The following KCTD8 variants were observed in gnomAD, a reference collection of about 807,000 sequenced individuals.
KCTD8 encodes potassium channel tetramerization domain containing 8, also known as BTB/POZ domain-containing protein KCTD8.
Under a neutral mutation model 31.5 loss-of-function variants are expected in KCTD8, and 27 were observed. The ratio of observed to expected loss-of-function variants is 0.86; its 90% CI spans 0.63 to 1.18. The LOEUF is 1.18. Ranked by LOEUF, KCTD8 falls within the 50% of genes most tolerant of loss-of-function variation. The pLI is 0.00. For missense variants in KCTD8, 658 were observed against 647.7 expected (o/e 1.02, Z -0.17); for synonymous variants, 290 against 280.0 (o/e 1.04, Z -0.36).
At chr4:44,210,430 A>G (rs1714447447) in intron 1 of KCTD8, among the ~76,000 whole-genome samples, 1 of 152,252 alleles carries the variant, frequency 6.6e-6, no homozygotes, top group Non-Finnish European at 1.5e-5. Flanking sequence ...GAAGAAGTCT[A>G]ATCCAATGAG....
At chr4:44,211,624 G>A (rs971652070) in intron 1 of KCTD8, among the ~76,000 whole-genome samples, 6 of 151,998 alleles carry the variant, frequency 3.9e-5, no homozygotes, top group South Asian at 2.1e-4. Context: ...GTGCTTTTGT[G>A]AACTTTCTAA....
chr4:44,233,865 T>G (rs1434279362), intron 1 of KCTD8, among the ~76,000 whole-genome samples: 1 of 152,126 alleles, frequency 6.6e-6, no homozygotes, highest in Non-Finnish European at 1.5e-5. Flanking sequence ...AAAGAAACAG[T>G]CTGTACATAT....
intron 1 of KCTD8, among the ~76,000 whole-genome samples, chr4:44,378,985 C>G (rs1333822475): frequency 1.3e-5 from 2 of 152,128 alleles, no homozygotes; most frequent in Admixed American, 1.3e-4. Context: ...ATGACCCCAT[C>G]TTTCATCTTC....
intron 1 of KCTD8, among the ~76,000 whole-genome samples, chr4:44,195,490 A>G (rs1713911770): frequency 6.6e-6 from 1 of 152,174 alleles, no homozygotes. Flanking sequence ...GATCATACAG[A>G]AGACCAAGAA....
At chr4:44,309,572 C>T (rs1255971854) in intron 1 of KCTD8, among the ~76,000 whole-genome samples, 1 of 152,098 alleles carries the variant, frequency 6.6e-6, no homozygotes, top group Non-Finnish European at 1.5e-5. Context: ...TATTCAACAA[C>T]TTGTACTGTT....
At chr4:44,245,314 T>TAAA (rs147143624) in intron 1 of KCTD8, among the ~76,000 whole-genome samples, 17 of 151,908 alleles carry the variant, frequency 1.1e-4, no homozygotes, top group African/African-American at 4.1e-4. Flanking sequence ...CTAAGACTGA[T>TAAA]AAAAAAAGCA....
chr4:44,332,905 T>C (rs1254869690), intron 1 of KCTD8, among the ~76,000 whole-genome samples: 1 of 152,062 alleles, frequency 6.6e-6, no homozygotes. Context: ...CAACCAAAAA[T>C]GTTTACAGGC....
intron 1 of KCTD8, among the ~76,000 whole-genome samples, chr4:44,407,519 T>C (rs1720830309): frequency 6.6e-6 from 1 of 151,962 alleles, no homozygotes; most frequent in Non-Finnish European, 1.5e-5. Flanking sequence ...CCTGAGTAGC[T>C]GGGATTACAG....
chr4:44,381,600 T>C (rs1295810835), intron 1 of KCTD8, among the ~76,000 whole-genome samples: 1 of 152,070 alleles, frequency 6.6e-6, no homozygotes, highest in Non-Finnish European at 1.5e-5. Context: ...CCCCTCCAAA[T>C]GTCATGTCGA....
chr4:44,300,686 T>A (rs1366571600), intron 1 of KCTD8, among the ~76,000 whole-genome samples: 2 of 152,142 alleles, frequency 1.3e-5, no homozygotes, highest in Non-Finnish European at 2.9e-5. Context: ...TTCAAACTAA[T>A]CCTACACCAG....
chr4:44,216,953 C>T (rs368988616), intron 1 of KCTD8, among the ~76,000 whole-genome samples: 4 of 152,252 alleles, frequency 2.6e-5, no homozygotes, highest in South Asian at 4.1e-4. Context: ...GACCTTCCCA[C>T]TAATCTAGAA....
intron 1 of KCTD8, among the ~76,000 whole-genome samples, chr4:44,242,305 G>T (rs528503882): frequency 6.6e-6 from 1 of 152,328 alleles, no homozygotes; most frequent in African/African-American, 2.4e-5. Flanking sequence ...TAGGCCGGGC[G>T]CGGTGGCTCA....
intron 1 of KCTD8, among the ~76,000 whole-genome samples, chr4:44,340,060 A>C (rs1718854996): frequency 6.6e-6 from 1 of 152,130 alleles, no homozygotes; most frequent in Admixed American, 6.6e-5. Context: ...GGGAAATACA[A>C]AAAAAGACTC....
At chr4:44,329,824 C>T (rs1167691792) in intron 1 of KCTD8, among the ~76,000 whole-genome samples, 1 of 151,858 alleles carries the variant, frequency 6.6e-6, no homozygotes, top group Non-Finnish European at 1.5e-5. Flanking sequence ...TTGGAATAGT[C>T]TTTTTCACAT....
At chr4:44,388,739 A>G (rs563955492) in intron 1 of KCTD8, among the ~76,000 whole-genome samples, 6 of 151,836 alleles carry the variant, frequency 4.0e-5, no homozygotes, top group Non-Finnish European at 4.4e-5. Flanking sequence ...ATCAGGAAAA[A>G]CAACTAATGA....
intron 1 of KCTD8, among the ~76,000 whole-genome samples, chr4:44,203,729 G>C (rs909823629): frequency 7.9e-5 from 12 of 151,690 alleles, no homozygotes; most frequent in African/African-American, 2.9e-4. Flanking sequence ...AAACAGCAAA[G>C]AGCAAAGACA....
chr4:44,294,735 T>G (rs1024784365), intron 1 of KCTD8, among the ~76,000 whole-genome samples: 1 of 152,186 alleles, frequency 6.6e-6, no homozygotes, highest in African/African-American at 2.4e-5. Flanking sequence ...GTTTTCAAAG[T>G]CACATTTTCA....
chr4:44,272,699 C>A (rs1214762784), intron 1 of KCTD8, among the ~76,000 whole-genome samples: 1 of 151,966 alleles, frequency 6.6e-6, no homozygotes, highest in African/African-American at 2.4e-5. Flanking sequence ...TTCAACAGAT[C>A]TATTTTTATG....
intron 1 of KCTD8, among the ~76,000 whole-genome samples, chr4:44,372,350 C>T (rs1719809703): frequency 6.6e-6 from 1 of 152,010 alleles, no homozygotes; most frequent in Non-Finnish European, 1.5e-5. Context: ...ACAGACGTAC[C>T]AAAAATTACT....
Sources: allele counts gnomAD v4.1 joint callset (sites outside exome capture counted in the v4.1 genomes callset), GRCh38; gene constraint gnomAD v4.1.1; transcripts MANE v1.5; gene names NCBI Gene and HGNC (gene_info 2026-07-23, HGNC 2026-07-21).